CHRM3: variants seen among roughly 807,000 people sequenced by gnomAD.
The protein encoded by CHRM3 is cholinergic receptor muscarinic 3.
A neutral mutation model predicts 41.8 loss-of-function variants in CHRM3; 11 were observed. The observed-to-expected ratio is 0.26, with a 90% CI of 0.17 to 0.44. The LOEUF (loss-of-function observed/expected upper bound fraction) is 0.44, where lower values mean the gene tolerates loss of function less well. Ranked by LOEUF, CHRM3 falls within the 20% of genes least tolerant of loss-of-function variation. The pLI, the probability that CHRM3 is intolerant of heterozygous loss-of-function variation, is 1.00. For synonymous variants in CHRM3, 297 were observed against 301.4 expected (o/e 0.99, Z 0.15); for missense variants, 571 against 745.4 (o/e 0.77, Z 2.72).
chr1:239,497,867 A>C (rs1667985184), intron 2 of CHRM3, among the ~76,000 whole-genome samples: 1 of 152,240 alleles, frequency 6.6e-6, no homozygotes, highest in Non-Finnish European at 1.5e-5. Flanking sequence ...CACTCATTAG[A>C]TCTCCAGGGG....
At chr1:239,608,392 GT>G (rs1461577893) in intron 3 of CHRM3, among the ~76,000 whole-genome samples, 21 of 152,152 alleles carry the variant, frequency 1.4e-4, no homozygotes, top group African/African-American at 4.3e-4. Flanking sequence ...TTATTGTTAA[GT>G]TTATTTTTGT....
intron 2 of CHRM3, among the ~76,000 whole-genome samples, chr1:239,493,438 C>T (rs921306200): frequency 3.9e-5 from 6 of 152,132 alleles, no homozygotes; most frequent in Non-Finnish European, 7.4e-5. Flanking sequence ...ATTATACATC[C>T]TTTACTAAAA....
At chr1:239,630,047 T>A (rs991450337) in intron 3 of CHRM3, among the ~76,000 whole-genome samples, 8 of 152,212 alleles carry the variant, frequency 5.3e-5, no homozygotes, top group Non-Finnish European at 1.0e-4. Context: ...CCAGTTCCTT[T>A]GCTTGTTTTC....
intron 5 of CHRM3, among the ~76,000 whole-genome samples, chr1:239,739,467 T>G (rs539566657): frequency 6.6e-6 from 1 of 152,296 alleles, no homozygotes; most frequent in African/African-American, 2.4e-5. Context: ...TAAATCACAT[T>G]CATTTTCAGG....
intron 3 of CHRM3, among the ~76,000 whole-genome samples, chr1:239,568,222 T>A (rs1291078771): frequency 6.6e-6 from 1 of 152,120 alleles, no homozygotes; most frequent in Non-Finnish European, 1.5e-5. Flanking sequence ...TTTGGCTGTG[T>A]CCCCATTCAA....
At chr1:239,430,690 C>T (rs983874395) in intron 1 of CHRM3, among the ~76,000 whole-genome samples, 13 of 146,280 alleles carry the variant, frequency 8.9e-5, no homozygotes, top group Admixed American at 4.7e-4. Flanking sequence ...TATATATATA[C>T]ACACACACAC....
intron 3 of CHRM3, among the ~76,000 whole-genome samples, chr1:239,586,894 A>G (rs1663467650): frequency 6.6e-6 from 1 of 152,168 alleles, no homozygotes; most frequent in African/African-American, 2.4e-5. Flanking sequence ...AAAAAGGGAA[A>G]GTTGAAGCTT....
At chr1:239,768,970 G>T (rs1178864807) in intron 5 of CHRM3, among the ~76,000 whole-genome samples, 9 of 152,018 alleles carry the variant, frequency 5.9e-5, no homozygotes, top group Admixed American at 1.3e-4. Flanking sequence ...TCACCACGTT[G>T]CCCAGGCTGG....
intron 5 of CHRM3, among the ~76,000 whole-genome samples, chr1:239,796,703 T>TA (rs1410807733): frequency 4.6e-5 from 7 of 152,074 alleles, no homozygotes; most frequent in Non-Finnish European, 1.0e-4. Flanking sequence ...AAGACCTTTT[T>TA]AAAAAAACAG....
chr1:239,404,719 A>ATATAT (rs1660435350), intron 1 of CHRM3, among the ~76,000 whole-genome samples: 1 of 97,340 alleles, frequency 1.0e-5, no homozygotes, highest in Non-Finnish European at 2.0e-5. Flanking sequence ...GCTATATCTA[A>ATATAT]ATATATATAT....
At chr1:239,739,528 G>A (rs746781881) in intron 5 of CHRM3, among the ~76,000 whole-genome samples, 2 of 152,140 alleles carry the variant, frequency 1.3e-5, no homozygotes, top group Non-Finnish European at 2.9e-5. Context: ...ACTGAATGAA[G>A]ATGGTGAATA....
chr1:239,415,183 T>C (rs1358170793), intron 1 of CHRM3, among the ~76,000 whole-genome samples: 2 of 152,210 alleles, frequency 1.3e-5, no homozygotes, highest in African/African-American at 4.8e-5. Context: ...GTGCGGTGGC[T>C]CATGCCAGCA....
intron 1 of CHRM3, among the ~76,000 whole-genome samples, chr1:239,475,144 A>G (rs1253704577): frequency 6.6e-6 from 1 of 152,114 alleles, no homozygotes; most frequent in Non-Finnish European, 1.5e-5. Context: ...CCTAAGTAAA[A>G]TTAAGTTGAC....
chr1:239,400,938 A>C (rs1321589407), intron 1 of CHRM3, among the ~76,000 whole-genome samples: 1 of 152,188 alleles, frequency 6.6e-6, no homozygotes, highest in African/African-American at 2.4e-5. Context: ...TAAACAGCTG[A>C]TGATGTCGCA....
chr1:239,646,197 T>A (rs1671724330), intron 4 of CHRM3, among the ~76,000 whole-genome samples: 1 of 152,178 alleles, frequency 6.6e-6, no homozygotes, highest in Non-Finnish European at 1.5e-5. Context: ...GCAAACCCTA[T>A]CCAATTTTGA....
At chr1:239,529,636 CAAA>C (rs1325178149) in intron 2 of CHRM3, among the ~76,000 whole-genome samples, 12 of 140,246 alleles carry the variant, frequency 8.6e-5, no homozygotes, top group African/African-American at 2.7e-4. Flanking sequence ...AAAAAACAAA[CAAA>C]CAACAACAAT....
At chr1:239,564,617 A>G (rs774337334) in intron 3 of CHRM3, among the ~76,000 whole-genome samples, 9 of 152,182 alleles carry the variant, frequency 5.9e-5, no homozygotes, top group Non-Finnish European at 1.0e-4. Flanking sequence ...TTATTAATAG[A>G]ACCATATATC....
rs75647993 is a variant in CHRM3, at chr1:239,441,726, G to C, written c.-520-50983G>C. 4.3e-5 allele frequency among the ~76,000 whole-genome samples: 6 copies of C among 139,610 alleles called. No individual in the cohort carries two copies. In the East Asian group the frequency reaches 1.2e-3, roughly 27 times the overall value. The allele number at this position is 139,610 out of a possible 152,430, so 91.6% of individuals were successfully genotyped here. On this transcript the variant is annotated intron_variant, in intron 1 of 6. Transcript: ENST00000676153. ...AAGCCCTTGGAGGAGACTGGGAAAG[G>C]CTTTTGCCAATTTTTTATAGTTGTA...
At chr1:239,660,885 A>G (rs760165958) in intron 4 of CHRM3, among the ~76,000 whole-genome samples, 1 of 152,182 alleles carries the variant, frequency 6.6e-6, no homozygotes, top group Non-Finnish European at 1.5e-5. Flanking sequence ...TGTCTCCAAA[A>G]TAATAATAAT....
Sources: allele counts gnomAD v4.1 joint callset (sites outside exome capture counted in the v4.1 genomes callset), GRCh38; gene constraint gnomAD v4.1.1; transcripts MANE v1.5; gene names NCBI Gene and HGNC (gene_info 2026-07-23, HGNC 2026-07-21).